Variants in PCNX1 observed in about 807,000 individuals in gnomAD.
PCNX1 encodes pecanex 1, also known as pecanex-like protein 1.
Under a neutral mutation model 242.2 loss-of-function variants are expected in PCNX1, and 78 were observed. The observed-to-expected ratio is 0.32, with a 90% CI of 0.27 to 0.39. The LOEUF is 0.39. Among genes scored for constraint, PCNX1 ranks in the 10% least tolerant of loss-of-function variants. The pLI is 1.00. For synonymous variants in PCNX1, 1,024 were observed against 1,032.9 expected, an observed-to-expected ratio of 0.99 and a Z score of 0.17; for missense variants, 2,581 against 2,856.5, an observed-to-expected ratio of 0.90 and a Z score of 2.20.
At chr14:71,028,609 A>C in intron 15 of PCNX1, 91 bp from the exon 16 acceptor site, 1 of 704,580 alleles carries the variant, frequency 1.4e-6, no homozygotes, top group East Asian at 3.0e-5. Context: ...GATAGTTGAC[A>C]TTATAATATT....
intron 2 of PCNX1, among the ~76,000 whole-genome samples, chr14:70,953,495 A>G (rs1287677470): frequency 6.6e-6 from 1 of 151,242 alleles, no homozygotes; most frequent in East Asian, 1.9e-4. Flanking sequence ...TTATATATTC[A>G]TGCTATTCCT....
chr14:70,996,839 A>C (rs2140348471), intron 8 of PCNX1, among the ~76,000 whole-genome samples: 1 of 152,304 alleles, frequency 6.6e-6, no homozygotes, highest in Admixed American at 6.5e-5. Context: ...TAAGTTGCCC[A>C]AATTAGGATT....
At position 70,991,450 on chromosome 14, in the gene PCNX1, C is replaced by T. The variant is rs371779536; in HGVS notation, c.2444+2751C>T. Among the ~76,000 whole-genome samples the T allele has an allele frequency of 2.6e-5, 4 of 152,104 alleles. No individual in the cohort carries two copies. The East Asian group carries it at 5.8e-4, about 22-fold the overall frequency. ...TGAACTCCTGACCTCGTGATCCACC[C>T]GCCTTGGCCTTTCAAAGTGCCGGGA... On this transcript the variant is annotated intron_variant, in intron 7 of 35. Coordinates refer to ENST00000304743, the MANE Select transcript of PCNX1 (RefSeq NM_014982.3).
intron 5 of PCNX1, among the ~76,000 whole-genome samples, chr14:70,975,810 T>C (rs1373605393): frequency 1.3e-5 from 2 of 151,800 alleles, no homozygotes; most frequent in Non-Finnish European, 2.9e-5. Context: ...TTTGTATATC[T>C]AGTATGTATG....
At chr14:70,993,421 C>T (rs2059231452) in intron 7 of PCNX1, among the ~76,000 whole-genome samples, 1 of 152,030 alleles carries the variant, frequency 6.6e-6, no homozygotes, top group Admixed American at 6.6e-5. Context: ...AGCCACCGTG[C>T]CTGGCCAAAT....
rs1345435112 is a variant in PCNX1, at chr14:70,946,904, T to G, written c.154-11T>G. On this transcript the variant is annotated splice_polypyrimidine_tract_variant and intron_variant, in intron 1 of 35. Transcript: ENST00000304743. ...TTTAAAATGTATTTCCTTATTTTCT[T>G]TCTCTTAAAGGCCCTTCCTTCTACC... 1.3e-6 allele frequency: 2 copies of G among 1,549,216 alleles called. No individual in the cohort carries two copies. Among genetic ancestry groups the G allele is most frequent in the Non-Finnish European group, 1.8e-6 (2 of 1,123,360 alleles).
intron 1 of PCNX1, among the ~76,000 whole-genome samples, chr14:70,925,067 C>T (rs1181233793): frequency 1.3e-5 from 2 of 151,996 alleles, no homozygotes; most frequent in Non-Finnish European, 2.9e-5. Context: ...CAGCTCACTG[C>T]AACCTCCACC....
chr14:70,918,448 T>G (rs146733989), intron 1 of PCNX1, among the ~76,000 whole-genome samples: 1 of 152,352 alleles, frequency 6.6e-6, no homozygotes, highest in East Asian at 1.9e-4. Context: ...GAATTTACAC[T>G]ATTGTAATTC....
At chr14:71,005,525 G>T (rs562362854) in intron 8 of PCNX1, among the ~76,000 whole-genome samples, 16 of 151,826 alleles carry the variant, frequency 1.1e-4, no homozygotes, top group African/African-American at 3.4e-4. Flanking sequence ...AAAAGGGGGG[G>T]TGGGGAATGC....
chr14:71,045,082 A>G (rs1440985989), intron 19 of PCNX1, 51 bp from the exon 20 acceptor site: 1 of 1,303,732 alleles, frequency 7.7e-7, no homozygotes, highest in Non-Finnish European at 1.1e-6. Flanking sequence ...GAATTTCTAC[A>G]ATGAGTCTCA....
At chr14:70,961,271 C>T (rs1275038113) in intron 2 of PCNX1, among the ~76,000 whole-genome samples, 1 of 152,172 alleles carries the variant, frequency 6.6e-6, no homozygotes, top group African/African-American at 2.4e-5. Flanking sequence ...AACTCTACTA[C>T]AAGGCTACAG....
intron 28 of PCNX1, among the ~76,000 whole-genome samples, chr14:71,086,557 C>G (rs2061995136): frequency 6.6e-6 from 1 of 152,226 alleles, no homozygotes; most frequent in South Asian, 2.1e-4. Flanking sequence ...AATTCTTCCC[C>G]ATGACCAAGA....
chr14:70,947,187 T>G, intron 2 of PCNX1, 64 bp downstream of exon 2: 1 of 1,173,794 alleles, frequency 8.5e-7, no homozygotes, highest in South Asian at 1.3e-5. Context: ...TATAATGATG[T>G]GATTATTATA....
intron 7 of PCNX1, among the ~76,000 whole-genome samples, chr14:70,993,648 A>G (rs2059239064): frequency 6.6e-6 from 1 of 152,230 alleles, no homozygotes; most frequent in African/African-American, 2.4e-5. Flanking sequence ...GCCAAAATAC[A>G]TCTAGCTGCC....
intron 8 of PCNX1, among the ~76,000 whole-genome samples, chr14:71,009,070 C>T (rs1316711913): frequency 3.3e-5 from 5 of 152,110 alleles, no homozygotes; most frequent in East Asian, 1.9e-4. Context: ...TTTTTCATAG[C>T]GCTCTTGTGG....
Position 71,033,938 on chromosome 14 carries a change from G to A in PCNX1, c.3676G>A (p.Val1226Met). The change falls in exon 18 of 36, where the codon GTG becomes ATG. Residue 1226 changes from valine (V) to methionine (M), a missense_variant. By Grantham distance (21) the Val-to-Met change is conservative. Around this residue, in one of 9 missense-constraint regions of PCNX1, gnomAD observed 432 missense variants for 443.1 expected, o/e 0.97. Transcript: ENST00000304743. ...SSDPSVLFSL[V>M]QSKIFPKTEE... is the part of the protein sequence containing the mutation. ...TTTTTTCTTCACATAAAGCTCTTTA[G>A]TGCAATCCAAGATTTTTCCAAAAAC... 1 of 1,573,984 alleles carries A rather than the reference G, an allele frequency of 6.4e-7. No homozygotes were observed. Among genetic ancestry groups the A allele is most frequent in the Non-Finnish European group, 8.7e-7 (1 of 1,149,506 alleles).
intron 26 of PCNX1, among the ~76,000 whole-genome samples, chr14:71,061,366 A>G (rs192996895): frequency 6.9e-4 from 105 of 152,330 alleles, no homozygotes; most frequent in African/African-American, 2.4e-3. Flanking sequence ...ACAATGGAGA[A>G]GTACTGTTTG....
chr14:70,940,535 C>T (rs1483136305), intron 1 of PCNX1, among the ~76,000 whole-genome samples: 1 of 152,170 alleles, frequency 6.6e-6, no homozygotes, highest in Non-Finnish European at 1.5e-5. Flanking sequence ...GGTAACCTGA[C>T]CTTTCTCTCT....
At chr14:71,088,555 A>G (rs2062050810) in intron 29 of PCNX1, 125 bp downstream of exon 29, 1 of 540,758 alleles carries the variant, frequency 1.8e-6, no homozygotes, top group Admixed American at 2.9e-5. Flanking sequence ...TAGGTTTTAT[A>G]TTTCTATACA....
Sources: gnomAD v4.1 joint callset for allele counts (sites outside exome capture counted in the v4.1 genomes callset) on GRCh38, gnomAD v4.1.1 for gene constraint, gnomAD v4.1.1 regional missense constraint, MANE v1.5 for transcripts, NCBI Gene and HGNC (gene_info 2026-07-23, HGNC 2026-07-21) for gene names.